Variants in ESR1 observed in about 807,000 individuals in gnomAD.
ESR1 encodes the protein estrogen receptor 1.
Under a neutral mutation model 52.7 loss-of-function variants are expected in ESR1, and 12 were observed. The observed-to-expected ratio is 0.23, with a 90% CI of 0.15 to 0.37. The LOEUF is 0.37. Among genes scored for constraint, ESR1 ranks in the 10% least tolerant of loss-of-function variants. ESR1 has a pLI of 1.00. For missense variants in ESR1, 584 were observed against 779.7 expected (o/e 0.75, Z 2.99); for synonymous variants, 305 against 316.8 (o/e 0.96, Z 0.39).
chr6:151,688,978 G>C (rs1195940790), upstream of ESR1, among the ~76,000 whole-genome samples: 2 of 152,042 alleles, frequency 1.3e-5, no homozygotes, highest in African/African-American at 4.8e-5. Context: ...GTTTTTTAAA[G>C]GATAATTAAG....
intron 5 of ESR1, among the ~76,000 whole-genome samples, chr6:152,051,687 C>T (rs2128928346): frequency 6.6e-6 from 1 of 152,308 alleles, no homozygotes; most frequent in South Asian, 2.1e-4. Flanking sequence ...GTCCACAATT[C>T]TCTAAGGTCC....
intron 4 of ESR1, among the ~76,000 whole-genome samples, chr6:152,000,741 G>A (rs2041883118): frequency 6.6e-6 from 1 of 151,930 alleles, no homozygotes; most frequent in Non-Finnish European, 1.5e-5. Context: ...ATTGGTATAT[G>A]TGCCACTGTT....
intron 2 of ESR1, among the ~76,000 whole-genome samples, chr6:151,730,385 T>C (rs1782153377): frequency 6.6e-6 from 1 of 152,080 alleles, no homozygotes; most frequent in Non-Finnish European, 1.5e-5. Flanking sequence ...GGTCCTGCCC[T>C]TTCTGACCAT....
At chr6:151,775,215 C>T (rs769765939) in intron 2 of ESR1, among the ~76,000 whole-genome samples, 23 of 152,144 alleles carry the variant, frequency 1.5e-4, no homozygotes, top group Non-Finnish European at 3.4e-4. Flanking sequence ...GAGAGTAATA[C>T]AAGTTGAATA....
intron 4 of ESR1, among the ~76,000 whole-genome samples, chr6:151,955,586 T>C (rs984606266): frequency 8.6e-5 from 13 of 151,576 alleles, no homozygotes; most frequent in African/African-American, 3.2e-4. Context: ...AATAAGCCAA[T>C]GAAGTAAGGT....
intron 2 of ESR1, among the ~76,000 whole-genome samples, chr6:151,856,757 T>G (rs1264765880): frequency 2.0e-5 from 3 of 152,160 alleles, no homozygotes; most frequent in Non-Finnish European, 4.4e-5. Context: ...TCTGACTGCA[T>G]TTCTCCTGAC....
At chr6:152,124,584 CA>C (rs1237478965) in intron 6 of ESR1, among the ~76,000 whole-genome samples, 1 of 152,100 alleles carries the variant, frequency 6.6e-6, no homozygotes, top group African/African-American at 2.4e-5. Flanking sequence ...ACTGATTTGT[CA>C]GTATAAATAA....
At chr6:152,122,803 C>T (rs1384146452) in intron 6 of ESR1, 2 of 1,453,362 alleles carry the variant, frequency 1.4e-6, no homozygotes, top group Non-Finnish European at 1.9e-6. Flanking sequence ...CGATCAGCTG[C>T]CAGCCTTCCA....
At chr6:151,853,089 T>G (rs1288056936) in intron 2 of ESR1, among the ~76,000 whole-genome samples, 1 of 141,764 alleles carries the variant, frequency 7.1e-6, no homozygotes. Context: ...GGAGAATGGC[T>G]TGAACTCGAG....
chr6:151,687,846 C>T (rs1347316228), upstream of ESR1, among the ~76,000 whole-genome samples: 1 of 152,040 alleles, frequency 6.6e-6, no homozygotes, highest in Admixed American at 6.5e-5. Flanking sequence ...GTGGATAGCA[C>T]GATTTTGATG....
chr6:151,811,013 G>T (rs776392095), intron 1 of ESR1: 2 of 152,142 alleles, frequency 1.3e-5, no homozygotes, highest in Admixed American at 6.5e-5. Context: ...TTGTAGAATG[G>T]TGCTGTCATG....
intron 2 of ESR1, among the ~76,000 whole-genome samples, chr6:151,847,190 G>T (rs536957725): frequency 1.3e-3 from 204 of 152,292 alleles, no homozygotes; most frequent in African/African-American, 1.6e-3. Flanking sequence ...GGGACCTTAG[G>T]TCCTACAGGT....
At chr6:151,718,171 T>C (rs1441821853) in intron 2 of ESR1, among the ~76,000 whole-genome samples, 2 of 152,198 alleles carry the variant, frequency 1.3e-5, no homozygotes, top group Non-Finnish European at 2.9e-5. Context: ...GAAAATAAAA[T>C]TCAATAAAAA....
At chr6:151,892,443 G>C (rs1794832949) in intron 3 of ESR1, among the ~76,000 whole-genome samples, 1 of 152,170 alleles carries the variant, frequency 6.6e-6, no homozygotes, top group Non-Finnish European at 1.5e-5. Context: ...AATCTCTTCT[G>C]AATGGAGAGT....
rs547492346 is a variant in ESR1, at chr6:151,958,065, C to T, written c.1096+13557C>T. On this transcript the variant is annotated intron_variant, in intron 4 of 7. Coordinates refer to ENST00000206249, the MANE Select transcript of ESR1 (RefSeq NM_000125.4). ...TTCAGATACATCTGTCTAAAAGGAA[C>T]GCTGAAAATACAGTCTTTAAGCTGT... is the stretch of plus-strand genomic sequence containing the variant. Among the ~76,000 whole-genome samples the T allele has an allele frequency of 1.4e-4, 22 of 152,274 alleles. No homozygotes were observed. The South Asian group carries it at 1.9e-3, about 13-fold the overall frequency.
At chr6:152,052,786 G>A (rs2046792132) in intron 5 of ESR1, among the ~76,000 whole-genome samples, 1 of 152,088 alleles carries the variant, frequency 6.6e-6, no homozygotes, top group African/African-American at 2.4e-5. Flanking sequence ...GTGGGCGGTG[G>A]TGATCCAAGC....
At chr6:151,967,771 C>T (rs1038303525) in intron 4 of ESR1, among the ~76,000 whole-genome samples, 5 of 152,172 alleles carry the variant, frequency 3.3e-5, no homozygotes, top group African/African-American at 1.2e-4. Flanking sequence ...CTGTCTTCCA[C>T]AATGGTTGAC....
At chr6:151,675,268 C>T (rs534572351) in intron 1 of ESR1, among the ~76,000 whole-genome samples, 53 of 152,334 alleles carry the variant, frequency 3.5e-4, no homozygotes, top group African/African-American at 1.2e-3. Context: ...CACTGAGGGT[C>T]TACTGTGTAC....
intron 6 of ESR1, among the ~76,000 whole-genome samples, chr6:152,120,455 TC>T (rs2051289762): frequency 6.6e-6 from 1 of 152,000 alleles, no homozygotes; most frequent in Non-Finnish European, 1.5e-5. Context: ...CGGGGGGCGA[TC>T]CATCGTGTTC....
Sources: allele counts gnomAD v4.1 joint callset (sites outside exome capture counted in the v4.1 genomes callset), GRCh38; gene constraint gnomAD v4.1.1; transcripts MANE v1.5; gene names NCBI Gene and HGNC (gene_info 2026-07-23, HGNC 2026-07-21).